Variants in HTR3E observed in about 807,000 individuals in gnomAD.
HTR3E encodes 5-hydroxytryptamine (serotonin) receptor 3, family member E.
HTR3E carries 38 observed loss-of-function variants against 38.0 expected under a neutral mutation model. That is an observed-to-expected ratio of 1.00 (90% CI 0.77 to 1.31). The LOEUF is 1.31. Among genes scored for constraint, HTR3E ranks in the 50% most tolerant of loss-of-function variants. The probability of loss-of-function intolerance (pLI) is 0.00; values close to 1 mark genes in which losing one functional copy is unlikely to be tolerated. For synonymous variants in HTR3E, 210 were observed against 232.9 expected (o/e 0.90, Z 0.89); for missense variants, 547 against 585.2 (o/e 0.93, Z 0.67).
At chr3:184,104,431 C>T (rs186255168) in intron 4 of HTR3E, 140 bp downstream of exon 4, 72 of 1,341,718 alleles carry the variant, frequency 5.4e-5, no homozygotes, top group Non-Finnish European at 5.9e-5. Context: ...CTGAGCCAGG[C>T]GCAGTGGCTA....
chr3:184,098,736 A>T (rs1711796916), intron 1 of HTR3E, among the ~76,000 whole-genome samples: 1 of 152,170 alleles, frequency 6.6e-6, no homozygotes. Context: ...AAATTTAAAA[A>T]TTTATTAGTT....
In HTR3E at chr3:184,100,664, C is replaced by A. The variant is rs1484839038; in HGVS notation, c.234+13C>A. On this transcript the variant is annotated intron_variant, in intron 2 of 8. Transcript: ENST00000415389. Reference sequence around the variant, plus strand: ...CATCCTAGATGTGGTGAGTGCTGACCTCTCTAGCCCTCCTTGGTGTCCTTA... The same window carrying A: ...CATCCTAGATGTGGTGAGTGCTGACATCTCTAGCCCTCCTTGGTGTCCTTA... 2.5e-6 allele frequency: 4 copies of A among 1,609,078 alleles called. No individual in the cohort carries two copies.
chr3:184,106,330 C>A lies in HTR3E; in HGVS notation c.1128C>A (p.Pro376=). 1.2e-6 allele frequency: 2 copies of A among 1,611,434 alleles called. No homozygotes were observed. The highest frequency in any genetic ancestry group is 1.1e-5 in the South Asian group (1 of 90,798). Residue 376 remains proline (P), a synonymous_variant, in exon 8 of 9, where the codon CCC becomes CCA. Coordinates refer to ENST00000415389, the MANE Select transcript of HTR3E (RefSeq NM_001256613.2). The surrounding 1 kb of genome is among the most constrained non-coding windows in gnomAD (Gnocchi z 4.1). ...AAAATAAGGGCCCGGGTCTCACCCC[C>A]ACCCACCTGCCCGGTGAGGGAAGTC... ...QKENKGPGLT[P]THLPGVKEPE...
chr3:184,100,944 T>TTTGTTG (rs1263217478), intron 2 of HTR3E, among the ~76,000 whole-genome samples: 1 of 151,976 alleles, frequency 6.6e-6, no homozygotes, highest in African/African-American at 2.4e-5. Flanking sequence ...TGTTTTTGTT[T>TTTGTTG]TTGTTTTTGT....
intron 1 of HTR3E, 29 bp downstream of exon 1, chr3:184,097,625 C>T (rs1471553431): frequency 1.5e-5 from 22 of 1,502,410 alleles, no homozygotes; most frequent in African/African-American, 1.4e-5. Context: ...TGGGGGAAGG[C>T]GGAAGAAGGA....
chr3:184,106,434 G>T lies in HTR3E; in HGVS notation c.1142-30G>T, dbSNP rs1223172292. 3 of 1,557,146 alleles carry T rather than the reference G, an allele frequency of 1.9e-6. No homozygotes were observed. The South Asian group carries it at 3.6e-5, about 19-fold the overall frequency. ...CCTCCCTCCACAGGTGACATTTGCA[G>T]CCCATGGCTGAGTCTCTGTCTTTCT... On this transcript the variant is annotated intron_variant, in intron 8 of 8. Transcript: ENST00000415389. The surrounding 1 kb of genome is among the most constrained non-coding windows in gnomAD (Gnocchi z 4.1).
chr3:184,105,249 G>T lies in HTR3E; in HGVS notation c.560-18G>T. On this transcript the variant is annotated intron_variant, in intron 5 of 8. Coordinates refer to ENST00000415389, the MANE Select transcript of HTR3E (RefSeq NM_001256613.2). ...AACTATCTCCTTGAAAAATGATTCA[G>T]ATGGTTCTCATTTTCAGTGGACAGC... 1 of 1,594,448 alleles carries T rather than the reference G, an allele frequency of 6.3e-7. No individual in the cohort carries two copies. The highest frequency in any genetic ancestry group is 8.5e-7 in the Non-Finnish European group (1 of 1,171,558).
chr3:184,103,395 C>T (rs1327271255), intron 3 of HTR3E, among the ~76,000 whole-genome samples: 7 of 151,912 alleles, frequency 4.6e-5, no homozygotes, highest in Non-Finnish European at 7.4e-5. Context: ...TTTGGAAGGC[C>T]GAGGCGGGTG....
intron 1 of HTR3E, among the ~76,000 whole-genome samples, chr3:184,098,799 C>T (rs1408614150): frequency 6.6e-6 from 1 of 152,104 alleles, no homozygotes; most frequent in Non-Finnish European, 1.5e-5. Context: ...AATCCCAGCA[C>T]TTGGGACGCT....
chr3:184,102,348 C>G (rs1247531379), intron 3 of HTR3E, among the ~76,000 whole-genome samples: 1 of 151,834 alleles, frequency 6.6e-6, no homozygotes, highest in Non-Finnish European at 1.5e-5. Context: ...TCTGTAGTCC[C>G]AGCTACTGGG....
chr3:184,099,855 T>G (rs1426828537), intron 1 of HTR3E, among the ~76,000 whole-genome samples: 1 of 152,050 alleles, frequency 6.6e-6, no homozygotes. Context: ...GAAGGAAGGT[T>G]GGGGCAGTCG....
intron 2 of HTR3E, 86 bp from the exon 3 acceptor site, chr3:184,101,399 G>C: frequency 9.2e-7 from 1 of 1,084,678 alleles, no homozygotes; most frequent in South Asian, 1.2e-5. Context: ...TATACCTTGG[G>C]AGTTGGTAAA....
chr3:184,100,253 G>T (rs1711942564), intron 1 of HTR3E: 10 of 1,354,248 alleles, frequency 7.4e-6, no homozygotes, highest in Middle Eastern at 2.7e-4. Context: ...ACCTTAGTTA[G>T]CTCGTTTATT....
In HTR3E at chr3:184,104,866, A is replaced by G; in HGVS notation, c.469A>G (p.Lys157Glu). 6.2e-7 allele frequency: 1 copy of G among 1,614,152 alleles called. No individual in the cohort carries two copies. The highest frequency in any genetic ancestry group is 2.2e-5 in the East Asian group (1 of 44,884). The change falls in exon 5 of 9, where the codon AAG becomes GAG. Residue 157 changes from lysine (K) to glutamate (E), a missense_variant. By Grantham distance (56) the Lys-to-Glu change is moderately conservative. Coordinates refer to ENST00000415389, the MANE Select transcript of HTR3E (RefSeq NM_001256613.2). Reference protein sequence around the residue: ...EGRIRYKKPMKVDSICNLDIF... With the variant: ...EGRIRYKKPMEVDSICNLDIF... ...TCGCATCAGGTATAAGAAACCCATG[A>G]AGGTGGACAGTATCTGTAACCTGGA... is the stretch of plus-strand genomic sequence containing the variant.
chr3:184,104,167 C>T lies in HTR3E; in HGVS notation c.280-15C>T. On this transcript the variant is annotated splice_polypyrimidine_tract_variant and intron_variant, in intron 3 of 8. Coordinates refer to ENST00000415389, the MANE Select transcript of HTR3E (RefSeq NM_001256613.2). The stretch of plus-strand genomic sequence containing the variant: ...AAAAGGCAGGAGACTCACCTCTCCT[C>T]CACCTGGGCTCTAGGTTTGGGATAA... 1 of 1,581,592 alleles carries T rather than the reference C, an allele frequency of 6.3e-7. No individual in the cohort carries two copies. The highest frequency in any genetic ancestry group is 1.2e-5 in the South Asian group (1 of 86,684).
rs1192532487 is a variant in HTR3E, at chr3:184,099,720, CAAAAAAAAA to C, written c.68-753_68-745del. On this transcript the variant is annotated intron_variant, in intron 1 of 8. Transcript: ENST00000415389. ...TGGGCGACAGAGCGAGACTCCGTCT[CAAAAAAAAA>C]AAAAAAAAAAAGAAAGAAATATGCA... Among the ~76,000 whole-genome samples, 2 of 44,704 alleles carry C rather than the reference CAAAAAAAAA, an allele frequency of 4.5e-5. 1 individual carries two copies. Among genetic ancestry groups the C allele is most frequent in the African/African-American group, 2.7e-4 (2 of 7,540 alleles). The allele number at this position is 44,704 out of a possible 152,430, so 29.3% of individuals were successfully genotyped here.
rs1480264146 is a variant in HTR3E at position 184,106,600 on chromosome 3, G to A, written c.1278G>A (p.Gln426=). 9 of 1,614,096 alleles carry A rather than the reference G, an allele frequency of 5.6e-6. No homozygotes were observed. Among genetic ancestry groups the A allele is most frequent in the Non-Finnish European group, 7.6e-6 (9 of 1,180,038 alleles). ...AGCACTCAGTGGAGCTGTGGTTGCAGTTCAGCCACGCGATGGACGCCATGC... is the reference window on the plus strand; with the variant it reads ...AGCACTCAGTGGAGCTGTGGTTGCAATTCAGCCACGCGATGGACGCCATGC... The part of the protein sequence containing the change: ...QKQHSVELWL[Q]FSHAMDAMLF... The change falls in exon 9 of 9, where the codon CAG becomes CAA. Residue 426 remains glutamine, a synonymous_variant. Coordinates refer to ENST00000415389, the MANE Select transcript of HTR3E (RefSeq NM_001256613.2). This position sits in a 1 kb window ranked among gnomAD's most constrained non-coding sequence, Gnocchi z 4.1.
intron 3 of HTR3E, 83 bp downstream of exon 3, chr3:184,101,612 G>A: frequency 8.6e-7 from 1 of 1,158,460 alleles, no homozygotes; most frequent in Non-Finnish European, 1.3e-6. Context: ...GAATTTTTAT[G>A]TCCCTAACAT....
rs563391107 is a variant in HTR3E at position 184,097,501 on chromosome 3, A to G, written c.-29A>G. 50 of 1,516,498 alleles carry G rather than the reference A, an allele frequency of 3.3e-5. 1 individual carries two copies. The East Asian group carries it at 1.1e-3, about 32-fold the overall frequency. 93.9% of individuals were successfully genotyped at this position (1,516,498 alleles called of 1,614,324 possible). ...TCTGGGCATTCCTGGGTCCCAGTAC[A>G]TGTTCAGAGAAGAACTTAGACAAAG... On this transcript the variant is annotated 5_prime_UTR_variant, in exon 1 of 9. The change abolishes an upstream ATG in the 5' untranslated region. Coordinates refer to ENST00000415389, the MANE Select transcript of HTR3E (RefSeq NM_001256613.2).
Sources: allele counts gnomAD v4.1 joint callset (sites outside exome capture counted in the v4.1 genomes callset), GRCh38; gene constraint gnomAD v4.1.1; non-coding constraint Gnocchi (gnomAD v3.1); transcripts MANE v1.5; gene names NCBI Gene and HGNC (gene_info 2026-07-23, HGNC 2026-07-21).